RAB3C: variants seen among roughly 807,000 people sequenced by gnomAD.
RAB3C encodes ras-related protein Rab-3C.
Under a neutral mutation model 26.4 loss-of-function variants are expected in RAB3C, and 17 were observed. The observed-to-expected ratio is 0.64, with a 90% CI of 0.44 to 0.97. The LOEUF (loss-of-function observed/expected upper bound fraction) is 0.97, where lower values mean the gene tolerates loss of function less well. Ranked by LOEUF, RAB3C falls within the 50% of genes least tolerant of loss-of-function variation. The pLI is 0.00. For synonymous variants in RAB3C, 91 were observed against 95.9 expected (o/e 0.95, Z 0.30); for missense variants, 242 against 281.9 (o/e 0.86, Z 1.01).
At chr5:58,808,224 CAAAAA>C (rs773339041) in intron 3 of RAB3C, among the ~76,000 whole-genome samples, 3 of 63,618 alleles carry the variant, frequency 4.7e-5, no homozygotes, top group African/African-American at 5.2e-5. Context: ...GACTCCGTCT[CAAAAA>C]AAAAAAAAAA....
chr5:58,804,364 C>A (rs576308304), intron 3 of RAB3C, among the ~76,000 whole-genome samples: 1 of 152,302 alleles, frequency 6.6e-6, no homozygotes, highest in African/African-American at 2.4e-5. Flanking sequence ...GGCCTCTAAT[C>A]TTGCAGAGTC....
chr5:58,641,036 A>G (rs1747403352), intron 2 of RAB3C, among the ~76,000 whole-genome samples: 1 of 152,180 alleles, frequency 6.6e-6, no homozygotes, highest in African/African-American at 2.4e-5. Context: ...TCATAAATGA[A>G]CTGCTTTAGC....
At chr5:58,832,052 G>A (rs1743624139) in intron 4 of RAB3C, among the ~76,000 whole-genome samples, 1 of 152,214 alleles carries the variant, frequency 6.6e-6, no homozygotes, top group Non-Finnish European at 1.5e-5. Context: ...GATTAGCCCA[G>A]AGAGCCAGCA....
chr5:58,799,785 C>T (rs1742763327), intron 3 of RAB3C, among the ~76,000 whole-genome samples: 1 of 152,088 alleles, frequency 6.6e-6, no homozygotes, highest in East Asian at 1.9e-4. Context: ...CTAAATGAAT[C>T]CTGACTTTTC....
At position 58,840,173 on chromosome 5, in the gene RAB3C, C is replaced by CT. The variant is rs200665619; in HGVS notation, c.497-10982dup. ...TAGGCTTTATTTATTTATCTTTTTT[C>CT]TTTTTTTTTCTGCTTATATTATTTC... On this transcript the variant is annotated intron_variant, in intron 4 of 4. Coordinates refer to ENST00000282878, the MANE Select transcript of RAB3C (RefSeq NM_138453.4). Among the ~76,000 whole-genome samples, 38 of 150,138 alleles carry CT rather than the reference C, an allele frequency of 2.5e-4. 1 individual carries two copies. Among genetic ancestry groups the CT allele is most frequent in the Admixed American group, 1.4e-3 (21 of 15,084 alleles).
rs560439884 is a variant in RAB3C at position 58,758,966 on chromosome 5, T to A, written c.371+32846T>A. On this transcript the variant is annotated intron_variant, in intron 3 of 4. Coordinates refer to ENST00000282878, the MANE Select transcript of RAB3C (RefSeq NM_138453.4). ...ACCTGCATGGATCCAGCCTTTAGAT[T>A]TGACATTTCCAAACCAGTGACCACC... is the stretch of plus-strand genomic sequence containing the variant. 3.3e-5 allele frequency among the ~76,000 whole-genome samples: 5 copies of A among 152,282 alleles called. No individual in the cohort carries two copies. The South Asian group carries it at 1.0e-3, about 32-fold the overall frequency.
intron 3 of RAB3C, among the ~76,000 whole-genome samples, chr5:58,792,783 G>A (rs530856823): frequency 6.6e-6 from 1 of 151,998 alleles, no homozygotes; most frequent in Non-Finnish European, 1.5e-5. Flanking sequence ...GTGTGTGTGT[G>A]TATGTGTATA....
chr5:58,729,051 C>T (rs1284762546), intron 3 of RAB3C, among the ~76,000 whole-genome samples: 1 of 151,894 alleles, frequency 6.6e-6, no homozygotes, highest in African/African-American at 2.4e-5. Flanking sequence ...TTCCTACCTG[C>T]TCCCACCTTT....
intron 2 of RAB3C, among the ~76,000 whole-genome samples, chr5:58,651,824 G>T (rs1747656987): frequency 6.6e-6 from 1 of 152,092 alleles, no homozygotes; most frequent in Non-Finnish European, 1.5e-5. Context: ...TGATGCTCGG[G>T]TCTCTTAGAT....
At chr5:58,707,173 C>T (rs112394169) in intron 2 of RAB3C, among the ~76,000 whole-genome samples, 48 of 152,234 alleles carry the variant, frequency 3.2e-4, no homozygotes, top group African/African-American at 1.1e-3. Flanking sequence ...ATCTTCACTC[C>T]TTGTAAAATA....
At chr5:58,648,406 A>G (rs1353022230) in intron 2 of RAB3C, among the ~76,000 whole-genome samples, 1 of 152,226 alleles carries the variant, frequency 6.6e-6, no homozygotes, top group Non-Finnish European at 1.5e-5. Flanking sequence ...AGAGATCACA[A>G]TCTAATATGT....
At chr5:58,755,488 G>A (rs1387343768) in intron 3 of RAB3C, among the ~76,000 whole-genome samples, 1 of 152,188 alleles carries the variant, frequency 6.6e-6, no homozygotes, top group African/African-American at 2.4e-5. Flanking sequence ...TGAAGTGAGT[G>A]TACCTCCATA....
intron 3 of RAB3C, among the ~76,000 whole-genome samples, chr5:58,745,408 A>G (rs1741380511): frequency 6.6e-6 from 1 of 150,786 alleles, no homozygotes. Context: ...AAAAAAAAAA[A>G]AAAAAAAAAA....
At chr5:58,803,992 G>A (rs186585732) in intron 3 of RAB3C, among the ~76,000 whole-genome samples, 74 of 151,922 alleles carry the variant, frequency 4.9e-4, no homozygotes, top group African/African-American at 1.6e-3. Flanking sequence ...CCTGGGAGGC[G>A]GAGGTTGCAG....
At chr5:58,605,341 T>G (rs980065363) in intron 1 of RAB3C, among the ~76,000 whole-genome samples, 2 of 152,148 alleles carry the variant, frequency 1.3e-5, no homozygotes, top group African/African-American at 4.8e-5. Context: ...TGATTATCTC[T>G]CCTCTCAGAT....
intron 3 of RAB3C, among the ~76,000 whole-genome samples, chr5:58,726,856 A>C (rs568828754): frequency 6.6e-6 from 1 of 152,072 alleles, no homozygotes; most frequent in East Asian, 1.9e-4. Flanking sequence ...TCCCACCAGC[A>C]CCTTGAGAGC....
At chr5:58,624,778 T>C (rs1257835065) in intron 2 of RAB3C, among the ~76,000 whole-genome samples, 2 of 152,126 alleles carry the variant, frequency 1.3e-5, no homozygotes, top group Non-Finnish European at 2.9e-5. Context: ...GGCAGGAGAC[T>C]GGATTTGAGA....
chr5:58,747,668 T>A (rs931689858), intron 3 of RAB3C, among the ~76,000 whole-genome samples: 1 of 151,962 alleles, frequency 6.6e-6, no homozygotes, highest in Admixed American at 6.6e-5. Flanking sequence ...TTGCTATCTA[T>A]ACCAGGGCGC....
At chr5:58,601,702 G>GTT (rs1291180140) in intron 1 of RAB3C, among the ~76,000 whole-genome samples, 1 of 151,866 alleles carries the variant, frequency 6.6e-6, no homozygotes, top group Non-Finnish European at 1.5e-5. Context: ...CACCTGTTTA[G>GTT]TTTCTTAGTG....
Sources: gnomAD v4.1 joint callset for allele counts (sites outside exome capture counted in the v4.1 genomes callset) on GRCh38, gnomAD v4.1.1 for gene constraint, MANE v1.5 for transcripts, NCBI Gene and HGNC (gene_info 2026-07-23, HGNC 2026-07-21) for gene names.